KLF12: variants seen among roughly 807,000 people sequenced by gnomAD.
KLF12 encodes the protein KLF transcription factor 12.
In KLF12, 9 loss-of-function variants were observed where a neutral mutation model predicts 37.8. That is an observed-to-expected ratio of 0.24 (90% CI 0.14 to 0.42). The LOEUF (loss-of-function observed/expected upper bound fraction) is 0.42, where lower values mean the gene tolerates loss of function less well. Ranked by LOEUF, KLF12 falls within the 10% of genes least tolerant of loss-of-function variation. The pLI is 1.00. For synonymous variants in KLF12, 208 were observed against 202.1 expected (o/e 1.03, Z -0.25); for missense variants, 411 against 516.0 (o/e 0.80, Z 1.97).
intron 1 of KLF12, among the ~76,000 whole-genome samples, chr13:74,100,540 C>G (rs1876273006): frequency 6.6e-6 from 1 of 152,062 alleles, no homozygotes; most frequent in Non-Finnish European, 1.5e-5. Context: ...ATCAGTTGAA[C>G]CCAGGAGACA....
chr13:74,301,310 A>C, the KLF12 span, among the ~76,000 whole-genome samples: 2 of 152,246 alleles, frequency 1.3e-5, no homozygotes, highest in South Asian at 4.1e-4. Context: ...AATCACCAGC[A>C]CTGAACACTG....
chr13:74,075,084 A>G (rs936035042), intron 1 of KLF12, among the ~76,000 whole-genome samples: 5 of 152,208 alleles, frequency 3.3e-5, no homozygotes, highest in Admixed American at 2.0e-4. Flanking sequence ...TAGGCACTTA[A>G]TAAGTGTTGA....
chr13:73,838,187 T>G (rs1884542450), intron 4 of KLF12, among the ~76,000 whole-genome samples: 1 of 152,202 alleles, frequency 6.6e-6, no homozygotes, highest in Admixed American at 6.5e-5. Context: ...CAGCAATCTC[T>G]GTGATGACTG....
chr13:74,267,028 G>A, the KLF12 span, among the ~76,000 whole-genome samples: 2 of 152,166 alleles, frequency 1.3e-5, no homozygotes, highest in African/African-American at 4.8e-5. Context: ...GTTCAGGATA[G>A]ATGATAACTC....
rs553890728 is a variant in KLF12 at position 73,697,778 on chromosome 13, A to C, written c.1028-2107T>G. 4.6e-5 allele frequency among the ~76,000 whole-genome samples: 7 copies of C among 152,154 alleles called. No homozygotes were observed. In the East Asian group the frequency reaches 1.4e-3, roughly 29 times the overall value. On this transcript the variant is annotated intron_variant, in intron 7 of 7. Transcript: ENST00000377669. ...TGTAAGGCCTAAAAAGAAAACAATA[A>C]AATTTCATCTTCACTGGAGATGAGC...
chr13:74,234,036 TG>T, the KLF12 span, among the ~76,000 whole-genome samples: 1 of 152,212 alleles, frequency 6.6e-6, no homozygotes, highest in South Asian at 2.1e-4. Context: ...GCTCATTAAT[TG>T]TAACCAATAT....
Position 73,764,961 on chromosome 13 carries a change from T to C in KLF12, c.846A>G (p.Arg282=). The change falls in exon 6 of 8, where the codon CGA becomes CGG. Residue 282 remains arginine (R), a synonymous_variant. Coordinates refer to ENST00000377669, the MANE Select transcript of KLF12 (RefSeq NM_007249.5). ...ACCAAGGAAACTTTTGATTATTCAT[T>C]CGATTGCCCCGGACCCTTGATACTG... 6.3e-7 allele frequency: 1 copy of C among 1,575,620 alleles called. No homozygotes were observed. Among genetic ancestry groups the C allele is most frequent in the Admixed American group, 1.7e-5 (1 of 59,770 alleles).
chr13:73,844,363 G>C (rs1884905658), intron 4 of KLF12, among the ~76,000 whole-genome samples: 1 of 152,128 alleles, frequency 6.6e-6, no homozygotes, highest in Non-Finnish European at 1.5e-5. Flanking sequence ...AGAGGGTTTG[G>C]CTCAGGTAAA....
Position 73,708,908 on chromosome 13 carries a change from T to C in KLF12, c.1027+6460A>G, listed in dbSNP as rs182084588. On this transcript the variant is annotated intron_variant, in intron 7 of 7. Transcript: ENST00000377669. The stretch of plus-strand genomic sequence containing the variant: ...TTTAAATACTCTGTAAACTGCTTCA[T>C]GTACAGAGACCCACAATTTAGACAG... 4.2e-3 allele frequency among the ~76,000 whole-genome samples: 640 copies of C among 152,332 alleles called. 5 individuals are homozygous for C. The highest frequency in any genetic ancestry group is 0.041 in the Middle Eastern group (12 of 294).
At chr13:73,888,952 A>C (rs956589986) in intron 3 of KLF12, among the ~76,000 whole-genome samples, 3 of 152,232 alleles carry the variant, frequency 2.0e-5, no homozygotes, top group African/African-American at 7.2e-5. Flanking sequence ...AAATGCTAGA[A>C]CTGTGTTCCT....
chr13:74,076,236 CTG>C (rs1874554877), intron 1 of KLF12, among the ~76,000 whole-genome samples: 1 of 152,134 alleles, frequency 6.6e-6, no homozygotes, highest in Admixed American at 6.5e-5. Context: ...TAAAATACGA[CTG>C]TTTTCATAAT....
the KLF12 span, among the ~76,000 whole-genome samples, chr13:74,265,653 C>T: frequency 6.6e-6 from 1 of 152,110 alleles, no homozygotes; most frequent in African/African-American, 2.4e-5. Flanking sequence ...GAGTCTTGAC[C>T]CAAGCCCATC....
chr13:74,225,116 A>G, the KLF12 span, among the ~76,000 whole-genome samples: 35 of 152,260 alleles, frequency 2.3e-4, no homozygotes, highest in Admixed American at 2.1e-3. Flanking sequence ...CTAAAACATA[A>G]CACTACCCAT....
At chr13:74,066,785 C>A (rs1157997368) in intron 1 of KLF12, among the ~76,000 whole-genome samples, 1 of 152,138 alleles carries the variant, frequency 6.6e-6, no homozygotes, top group African/African-American at 2.4e-5. Context: ...ATAGTCCTCC[C>A]AAACTGGGCA....
chr13:73,980,535 A>G (rs2138175280), intron 2 of KLF12, among the ~76,000 whole-genome samples: 1 of 152,340 alleles, frequency 6.6e-6, no homozygotes, highest in Non-Finnish European at 1.5e-5. Context: ...AAATTCAACA[A>G]AACTAAATAT....
At chr13:73,915,050 C>T (rs1470190997) in intron 3 of KLF12, among the ~76,000 whole-genome samples, 2 of 152,128 alleles carry the variant, frequency 1.3e-5, no homozygotes, top group African/African-American at 4.8e-5. Context: ...GCAGGGCTGG[C>T]TCTCTCTGTA....
At chr13:74,099,100 C>A (rs1876152369) in intron 1 of KLF12, among the ~76,000 whole-genome samples, 1 of 152,168 alleles carries the variant, frequency 6.6e-6, no homozygotes, top group Non-Finnish European at 1.5e-5. Context: ...GCAACTTCAA[C>A]ACTTTGGGAG....
At chr13:74,087,485 C>T (rs767583711) in intron 1 of KLF12, among the ~76,000 whole-genome samples, 7 of 152,044 alleles carry the variant, frequency 4.6e-5, no homozygotes, top group Non-Finnish European at 1.0e-4. Context: ...GACAGCTGCA[C>T]GATATGGAGG....
chr13:74,085,407 C>G (rs546144867), intron 1 of KLF12, among the ~76,000 whole-genome samples: 2 of 152,174 alleles, frequency 1.3e-5, no homozygotes, highest in African/African-American at 4.8e-5. Flanking sequence ...ACAACAAGCA[C>G]CACCATAAAT....
Sources: gnomAD v4.1 joint callset for allele counts (sites outside exome capture counted in the v4.1 genomes callset) on GRCh38, gnomAD v4.1.1 for gene constraint, MANE v1.5 for transcripts, NCBI Gene and HGNC (gene_info 2026-07-23, HGNC 2026-07-21) for gene names.